BCAS4: variants seen among roughly 807,000 people sequenced by gnomAD.
The protein encoded by BCAS4 is breast carcinoma-amplified sequence 4.
BCAS4 carries 9 observed loss-of-function variants against 15.7 expected under a neutral mutation model. That is an observed-to-expected ratio of 0.57 (90% CI 0.34 to 1.00). The LOEUF (loss-of-function observed/expected upper bound fraction) is 1.00, where lower values mean the gene tolerates loss of function less well. BCAS4 is among the 50% of genes least tolerant of loss of function. The probability of loss-of-function intolerance (pLI) is 0.02; values close to 1 mark genes in which losing one functional copy is unlikely to be tolerated. For synonymous variants in BCAS4, 101 were observed against 99.5 expected (o/e 1.02, Z -0.09); for missense variants, 225 against 239.1 (o/e 0.94, Z 0.39).
chr20:50,845,091 C>T (rs930720263), intron 4 of BCAS4, among the ~76,000 whole-genome samples: 5 of 152,122 alleles, frequency 3.3e-5, no homozygotes, highest in Non-Finnish European at 7.4e-5. Flanking sequence ...GTAGTCGCCT[C>T]ACACCCCACC....
chr20:50,869,295 C>A (rs1979513089), intron 4 of BCAS4, among the ~76,000 whole-genome samples: 1 of 152,180 alleles, frequency 6.6e-6, no homozygotes, highest in Admixed American at 6.5e-5. Flanking sequence ...CACCTGAGCT[C>A]CTCCACTTGG....
intron 4 of BCAS4, among the ~76,000 whole-genome samples, chr20:50,869,923 A>G (rs1383931624): frequency 2.0e-5 from 3 of 151,586 alleles, no homozygotes; most frequent in African/African-American, 7.3e-5. Flanking sequence ...TAATTTTTGT[A>G]TTTTTAGTAG....
chr20:50,821,038 T>C (rs888671769), intron 2 of BCAS4, among the ~76,000 whole-genome samples: 1 of 152,206 alleles, frequency 6.6e-6, no homozygotes, highest in African/African-American at 2.4e-5. Context: ...TCGGCCGCCA[T>C]GTCACGTGGC....
At chr20:50,857,140 CT>C (rs1200093575) in intron 4 of BCAS4, among the ~76,000 whole-genome samples, 1 of 152,036 alleles carries the variant, frequency 6.6e-6, no homozygotes, top group East Asian at 1.9e-4. Flanking sequence ...TATTTTCTTC[CT>C]TTTTTTTGAG....
intron 4 of BCAS4, among the ~76,000 whole-genome samples, chr20:50,866,833 G>T (rs984260411): frequency 6.6e-6 from 1 of 152,188 alleles, no homozygotes; most frequent in Non-Finnish European, 1.5e-5. Flanking sequence ...CAAGTGACTC[G>T]CTGAGCCTCA....
intron 4 of BCAS4, among the ~76,000 whole-genome samples, chr20:50,845,590 C>G (rs2088533776): frequency 6.6e-6 from 1 of 152,180 alleles, no homozygotes; most frequent in African/African-American, 2.4e-5. Context: ...CTCTCCTGGT[C>G]TCTCCCCCAG....
chr20:50,853,919 G>A (rs1978613696), intron 4 of BCAS4, among the ~76,000 whole-genome samples: 1 of 151,956 alleles, frequency 6.6e-6, no homozygotes, highest in African/African-American at 2.4e-5. Context: ...AGCCTCACTC[G>A]CTAGATGTAC....
At chr20:50,822,277 G>A (rs986485572) in intron 2 of BCAS4, among the ~76,000 whole-genome samples, 1 of 152,186 alleles carries the variant, frequency 6.6e-6, no homozygotes, top group Non-Finnish European at 1.5e-5. Flanking sequence ...ATGTCTTGAG[G>A]CCTAAGTATG....
chr20:50,871,209 C>T (rs1307326074), intron 4 of BCAS4, among the ~76,000 whole-genome samples: 2 of 152,198 alleles, frequency 1.3e-5, no homozygotes, highest in African/African-American at 2.4e-5. Flanking sequence ...CTGGACAGGC[C>T]GAGGGGACCC....
chr20:50,844,009 T>C (rs2088513872), intron 4 of BCAS4, among the ~76,000 whole-genome samples: 1 of 152,004 alleles, frequency 6.6e-6, no homozygotes. Context: ...CTGGGCATGG[T>C]GGCGCATCCC....
At chr20:50,807,835 A>G (rs2088010618) in intron 1 of BCAS4, among the ~76,000 whole-genome samples, 1 of 150,984 alleles carries the variant, frequency 6.6e-6, no homozygotes, top group East Asian at 1.9e-4. Flanking sequence ...TGCAAATGCC[A>G]TTATTTCATT....
chr20:50,831,132 G>A (rs986307744), intron 3 of BCAS4, among the ~76,000 whole-genome samples: 3 of 151,940 alleles, frequency 2.0e-5, no homozygotes, highest in African/African-American at 7.3e-5. Flanking sequence ...CAGTGTTCTT[G>A]CAAGAATGGA....
intron 4 of BCAS4, among the ~76,000 whole-genome samples, chr20:50,860,752 TGC>T (rs1430943616): frequency 9.2e-5 from 14 of 152,136 alleles, no homozygotes; most frequent in Non-Finnish European, 1.8e-4. Flanking sequence ...GGCACACACC[TGC>T]AATCCCAGCT....
chr20:50,834,922 T>C (rs1208376678), intron 3 of BCAS4, among the ~76,000 whole-genome samples: 1 of 152,250 alleles, frequency 6.6e-6, no homozygotes, highest in Non-Finnish European at 1.5e-5. Context: ...TTTTGGTATA[T>C]GGCTGGACCA....
intron 4 of BCAS4, among the ~76,000 whole-genome samples, chr20:50,858,868 A>G (rs1978914404): frequency 1.3e-5 from 2 of 151,238 alleles, no homozygotes; most frequent in African/African-American, 4.9e-5. Flanking sequence ...CTGGGACTAC[A>G]GGGATGTGCC....
At chr20:50,834,292 CT>C (rs74175526) in intron 3 of BCAS4, among the ~76,000 whole-genome samples, 1,311 of 121,068 alleles carry the variant, frequency 0.011, 5 homozygotes, top group African/African-American at 0.036. Context: ...TCGAACTCTT[CT>C]TTTTTTTTTT....
At chr20:50,808,743 G>A (rs138848577) in intron 1 of BCAS4, among the ~76,000 whole-genome samples, 3 of 152,030 alleles carry the variant, frequency 2.0e-5, no homozygotes, top group African/African-American at 7.2e-5. Flanking sequence ...TTAATCCCTT[G>A]TCAGATGCAT....
At chr20:50,872,231 T>A (rs1979680415) in intron 4 of BCAS4, among the ~76,000 whole-genome samples, 1 of 128,404 alleles carries the variant, frequency 7.8e-6, no homozygotes, top group Non-Finnish European at 1.6e-5. Flanking sequence ...ACCATTGCAT[T>A]CCAGCCTGGG....
At position 50,835,245 on chromosome 20, in the gene BCAS4, AT is replaced by A. The variant is rs1278646307; in HGVS notation, c.264+4883del. ...TGAACTCCCACCCGCAACTACTATA[AT>A]TTTTTTTTTTTTTTTTTGAGATGGA... On this transcript the variant is annotated intron_variant, in intron 3 of 4. Transcript: ENST00000371608. Among the ~76,000 whole-genome samples the A allele has an allele frequency of 2.5e-3, 341 of 134,564 alleles. 1 individual carries two copies. Among genetic ancestry groups the A allele is most frequent in the Middle Eastern group, 3.7e-3 (1 of 268 alleles). 88.3% of individuals were successfully genotyped at this position (134,564 alleles called of 152,430 possible).
Sources: allele counts gnomAD v4.1 joint callset (sites outside exome capture counted in the v4.1 genomes callset), GRCh38; gene constraint gnomAD v4.1.1; transcripts MANE v1.5; gene names NCBI Gene and HGNC (gene_info 2026-07-23, HGNC 2026-07-21).